PHLPP2: variants seen among roughly 807,000 people sequenced by gnomAD.
PHLPP2 encodes the protein PH domain and leucine rich repeat protein phosphatase 2.
Under a neutral mutation model 124.9 loss-of-function variants are expected in PHLPP2, and 66 were observed. That is an observed-to-expected ratio of 0.53 (90% CI 0.43 to 0.65). The LOEUF is 0.65. PHLPP2 is among the 30% of genes least tolerant of loss of function. The probability of loss-of-function intolerance (pLI) is 0.00; values close to 1 mark genes in which losing one functional copy is unlikely to be tolerated. For synonymous variants in PHLPP2, 681 were observed against 624.7 expected (o/e 1.09, Z -1.34); for missense variants, 1,685 against 1,600.4 (o/e 1.05, Z -0.90).
chr16:71,705,662 C>A (rs2045268512), intron 2 of PHLPP2, among the ~76,000 whole-genome samples: 1 of 152,128 alleles, frequency 6.6e-6, no homozygotes, highest in African/African-American at 2.4e-5. Flanking sequence ...CAGGCCCACG[C>A]CACCATGCCC....
chr16:71,693,985 G>A (rs1352041755), intron 3 of PHLPP2, among the ~76,000 whole-genome samples: 1 of 152,166 alleles, frequency 6.6e-6, no homozygotes, highest in Non-Finnish European at 1.5e-5. Flanking sequence ...TTGAGGCCAG[G>A]AGTTCAAGAC....
chr16:71,669,913 C>T lies in PHLPP2; in HGVS notation c.1533-543G>A, dbSNP rs146203993. On this transcript the variant is annotated intron_variant, in intron 10 of 18. Coordinates refer to ENST00000568954, the MANE Select transcript of PHLPP2 (RefSeq NM_015020.3). ...CAAGAGAATTTTTTTTCAGATGTGA[C>T]AGCTTCTCTAGGCCTCAAGGTATCT... Among the ~76,000 whole-genome samples the T allele has an allele frequency of 8.2e-4, 125 of 152,278 alleles. 1 individual carries two copies. Among genetic ancestry groups the T allele is most frequent in the Non-Finnish European group, 1.6e-3 (107 of 68,032 alleles).
At chr16:71,700,476 A>AATTC (rs1436780007) in intron 3 of PHLPP2, among the ~76,000 whole-genome samples, 1 of 150,512 alleles carries the variant, frequency 6.6e-6, no homozygotes, top group Non-Finnish European at 1.5e-5. Flanking sequence ...AACTGGAGCT[A>AATTC]ATTCCTCTCT....
intron 17 of PHLPP2, among the ~76,000 whole-genome samples, chr16:71,654,615 G>C (rs1205641291): frequency 6.6e-6 from 1 of 152,168 alleles, no homozygotes; most frequent in Non-Finnish European, 1.5e-5. Flanking sequence ...ATAAGCTAAT[G>C]GGGTAAGCGT....
intron 12 of PHLPP2, among the ~76,000 whole-genome samples, chr16:71,666,430 T>C (rs1375953165): frequency 2.6e-5 from 4 of 152,162 alleles, no homozygotes; most frequent in African/African-American, 9.7e-5. Context: ...GAAGGATCAC[T>C]TGGACCCAGG....
At chr16:71,695,230 C>A (rs1305154661) in intron 3 of PHLPP2, among the ~76,000 whole-genome samples, 6 of 152,124 alleles carry the variant, frequency 3.9e-5, no homozygotes, top group Non-Finnish European at 8.8e-5. Context: ...ACGTGAGTAA[C>A]CTATAACCCA....
At chr16:71,723,238 G>C (rs1209022654) in intron 1 of PHLPP2, 1 of 152,330 alleles carries the variant, frequency 6.6e-6, no homozygotes, top group Non-Finnish European at 1.5e-5. Context: ...GAGCCCCGAG[G>C]GCAGAGGAGC....
At position 71,658,275 on chromosome 16, in the gene PHLPP2, T is replaced by C. The variant is rs1481244348; in HGVS notation, c.2237A>G (p.Asn746Ser). 2 of 1,613,968 alleles carry C rather than the reference T, an allele frequency of 1.2e-6. No homozygotes were observed. Among genetic ancestry groups the C allele is most frequent in the Non-Finnish European group, 1.7e-6 (2 of 1,179,882 alleles). Residue 746 changes from asparagine (N) to serine (S), a missense_variant, in exon 15 of 19, where the codon AAT (asparagine) becomes AGT (serine). By Grantham distance (46) the Asn-to-Ser change is conservative. Transcript: ENST00000568954. ...CTTGTGTTCCAGAACCAGATTTGTA[T>C]TTCCAGTCAGGTCAAGGTCTTGTAA... is the stretch of plus-strand genomic sequence containing the variant. ...ATLQDLDLTG[N>S]TNLVLEHKTL... is the part of the protein sequence containing the mutation.
At chr16:71,652,395 T>A (rs548942284) in intron 18 of PHLPP2, among the ~76,000 whole-genome samples, 2 of 152,190 alleles carry the variant, frequency 1.3e-5, no homozygotes, top group Non-Finnish European at 2.9e-5. Flanking sequence ...CTACACCACA[T>A]AGAGTATAAA....
chr16:71,680,031 C>T (rs1045210771), intron 6 of PHLPP2, among the ~76,000 whole-genome samples: 30 of 151,158 alleles, frequency 2.0e-4, no homozygotes, highest in Admixed American at 1.8e-3. Flanking sequence ...TGCAGTGAGC[C>T]GACATTGCGC....
intron 1 of PHLPP2, among the ~76,000 whole-genome samples, chr16:71,719,663 C>G (rs2045385473): frequency 6.6e-6 from 1 of 150,830 alleles, no homozygotes; most frequent in Non-Finnish European, 1.5e-5. Context: ...GTTGTAACTT[C>G]GTATCTTCTA....
intron 5 of PHLPP2, among the ~76,000 whole-genome samples, 169 bp from the exon 6 acceptor site, chr16:71,682,074 C>T (rs2045005273): frequency 6.6e-6 from 1 of 151,696 alleles, no homozygotes; most frequent in Non-Finnish European, 1.5e-5. Flanking sequence ...TTACTTTTTC[C>T]TAAAACCATA....
rs1275767941 is a variant in PHLPP2 at position 71,649,648 on chromosome 16, A to C, written c.3214T>G (p.Ser1072Ala). The change falls in exon 19 of 19, where the codon TCT becomes GCT. Residue 1072 changes from serine (S) to alanine (A), a missense_variant. Coordinates refer to ENST00000568954, the MANE Select transcript of PHLPP2 (RefSeq NM_015020.3). Reference protein sequence around the residue: ...KDAPKPATPSSSSGIASEFSS... With the variant: ...KDAPKPATPSASSGIASEFSS... ...AACTCAGAGGCAATCCCACTGCTAG[A>C]GGATGGAGTGGCTGGCTTAGGGGCA... 1 of 1,614,178 alleles carries C rather than the reference A, an allele frequency of 6.2e-7. No individual in the cohort carries two copies. Among genetic ancestry groups the C allele is most frequent in the South Asian group, 1.1e-5 (1 of 91,084 alleles).
chr16:71,657,048 T>C (rs189317166), intron 15 of PHLPP2, among the ~76,000 whole-genome samples: 37 of 152,192 alleles, frequency 2.4e-4, no homozygotes, highest in Admixed American at 1.6e-3. Context: ...GTTCAAACGA[T>C]TCTCCTGCCT....
chr16:71,694,810 A>C (rs1330049305), intron 3 of PHLPP2, among the ~76,000 whole-genome samples: 1 of 151,924 alleles, frequency 6.6e-6, no homozygotes, highest in East Asian at 1.9e-4. Context: ...TTTGAGACGG[A>C]GTCTTGCTCT....
At chr16:71,654,204 G>GA (rs765826548) in intron 17 of PHLPP2, among the ~76,000 whole-genome samples, 39,646 of 72,440 alleles carry the variant, frequency 0.55, 8,774 homozygotes, top group East Asian at 0.87. Flanking sequence ...TCTCAAAAAA[G>GA]AAAAAAAAAA....
At chr16:71,686,803 GTATA>G (rs2045059251) in intron 4 of PHLPP2, among the ~76,000 whole-genome samples, 1 of 149,472 alleles carries the variant, frequency 6.7e-6, no homozygotes. Context: ...GTATTTCCTG[GTATA>G]GATATATCAC....
rs1462305951 is a variant in PHLPP2, at chr16:71,655,298, C to A, written c.2527G>T (p.Val843Leu). The change falls in exon 17 of 19, where the codon GTA becomes TTA. Residue 843 changes from valine (V) to leucine (L), a missense_variant. By Grantham distance (32) the Val-to-Leu change is conservative (BLOSUM62 1). Transcript: ENST00000568954. ...ACTGTGTCATTAGTTGACTGCTGTACCTCTTCTAAAAGCACATCTGCCATC... is the reference window on the plus strand; with the variant it reads ...ACTGTGTCATTAGTTGACTGCTGTAACTCTTCTAAAAGCACATCTGCCATC... The part of the protein sequence containing the change: ...CTMADVLLEE[V>L]QQSTNDTVFM... The A allele has an allele frequency of 6.2e-7, 1 of 1,613,872 alleles. No individual in the cohort carries two copies. Among genetic ancestry groups the A allele is most frequent in the Non-Finnish European group, 8.5e-7 (1 of 1,179,890 alleles).
rs2044650201 is a variant in PHLPP2, at chr16:71,645,927, TTC to T, written c.*2961_*2962del. 1 of 152,494 alleles carries T rather than the reference TTC, an allele frequency of 6.6e-6. No homozygotes were observed. The highest frequency in any genetic ancestry group is 1.5e-5 in the Non-Finnish European group (1 of 68,054). The allele number at this position is 152,494 out of a possible 1,614,324, so 9.4% of individuals were successfully genotyped here. A position where few individuals can be genotyped will look rare whatever the true frequency, so the allele number is the denominator to read the frequency against. ...CATGGCTGCCAAGACACATGTATTTTTCTTTCTTCCATGGACTCCTAAACTGC... is the reference window on the plus strand; with the variant it reads ...CATGGCTGCCAAGACACATGTATTTTTTTCTTCCATGGACTCCTAAACTGC... On this transcript the variant is annotated 3_prime_UTR_variant, in exon 19 of 19. Transcript: ENST00000568954.
Sources: gnomAD v4.1 joint callset for allele counts (sites outside exome capture counted in the v4.1 genomes callset) on GRCh38, gnomAD v4.1.1 for gene constraint, MANE v1.5 for transcripts, NCBI Gene and HGNC (gene_info 2026-07-23, HGNC 2026-07-21) for gene names.